The following RSRC1 variants were observed in gnomAD, a reference collection of about 807,000 sequenced individuals.
RSRC1 encodes arginine and serine rich coiled-coil 1.
RSRC1 carries 39 observed loss-of-function variants against 49.1 expected under a neutral mutation model. The observed-to-expected ratio is 0.79, with a 90% CI of 0.61 to 1.04. The LOEUF is 1.04. Ranked by LOEUF, RSRC1 falls within the 50% of genes least tolerant of loss-of-function variation. The pLI is 0.00. For missense variants in RSRC1, 388 were observed against 402.4 expected, an observed-to-expected ratio of 0.96 and a Z score of 0.31; for synonymous variants, 143 against 130.8, an observed-to-expected ratio of 1.09 and a Z score of -0.63.
chr3:158,225,116 A>AT (rs1553771089), intron 4 of RSRC1, among the ~76,000 whole-genome samples: 4 of 151,772 alleles, frequency 2.6e-5, no homozygotes, highest in Non-Finnish European at 5.9e-5. Context: ...TACAAAAAAT[A>AT]TTTTTTACAG....
chr3:158,338,465 G>T (rs191909811), intron 5 of RSRC1, among the ~76,000 whole-genome samples: 23 of 152,282 alleles, frequency 1.5e-4, no homozygotes, highest in African/African-American at 5.5e-4. Flanking sequence ...AATGTAGCTA[G>T]AAATATGATA....
chr3:158,393,796 CTT>C (rs1733459530), intron 6 of RSRC1, among the ~76,000 whole-genome samples: 1 of 152,032 alleles, frequency 6.6e-6, no homozygotes, highest in African/African-American at 2.4e-5. Flanking sequence ...TCCTCACTAA[CTT>C]TTTCTATGAG....
intron 6 of RSRC1, among the ~76,000 whole-genome samples, chr3:158,374,766 A>AATTTTGG (rs1732263841): frequency 6.6e-6 from 1 of 152,010 alleles, no homozygotes; most frequent in Admixed American, 6.6e-5. Context: ...TTGAATTTTG[A>AATTTTGG]ATTAAAATAA....
At chr3:158,483,789 A>T (rs1310852698) in intron 7 of RSRC1, among the ~76,000 whole-genome samples, 1 of 151,980 alleles carries the variant, frequency 6.6e-6, no homozygotes, top group Non-Finnish European at 1.5e-5. Context: ...TTGAATTTGC[A>T]TTTTTTTGTT....
At chr3:158,445,433 T>C (rs1736648906) in intron 6 of RSRC1, among the ~76,000 whole-genome samples, 1 of 151,816 alleles carries the variant, frequency 6.6e-6, no homozygotes, top group Admixed American at 6.6e-5. Context: ...ATGTTCTCAC[T>C]CATAGGTGGG....
chr3:158,412,305 A>G (rs908034421), intron 6 of RSRC1, among the ~76,000 whole-genome samples: 6 of 152,120 alleles, frequency 3.9e-5, no homozygotes, highest in African/African-American at 1.4e-4. Context: ...TTATGTGATA[A>G]TTCTTGGTAT....
chr3:158,113,435 C>A (rs1187355991), intron 1 of RSRC1, among the ~76,000 whole-genome samples: 1 of 148,550 alleles, frequency 6.7e-6, no homozygotes, highest in Non-Finnish European at 1.5e-5. Flanking sequence ...GTGGTGCGAT[C>A]TCGGCTTACT....
chr3:158,289,193 T>G (rs1253080210), intron 4 of RSRC1, among the ~76,000 whole-genome samples: 1 of 152,166 alleles, frequency 6.6e-6, no homozygotes, highest in Non-Finnish European at 1.5e-5. Flanking sequence ...AATTTTAGTT[T>G]TCCTCTGTTT....
At chr3:158,370,420 C>A (rs1732001818) in intron 6 of RSRC1, among the ~76,000 whole-genome samples, 1 of 151,956 alleles carries the variant, frequency 6.6e-6, no homozygotes, top group South Asian at 2.1e-4. Flanking sequence ...AATTCTCTCT[C>A]CCTATTCCTG....
chr3:158,220,435 C>G (rs142229762), intron 4 of RSRC1, among the ~76,000 whole-genome samples: 1 of 151,442 alleles, frequency 6.6e-6, no homozygotes. Context: ...GACGCCGTAC[C>G]GAAAGCCAAC....
chr3:158,147,296 A>T (rs1429135715), intron 3 of RSRC1, among the ~76,000 whole-genome samples: 1 of 151,740 alleles, frequency 6.6e-6, no homozygotes, highest in African/African-American at 2.4e-5. Context: ...GTTTGAATGC[A>T]GTGGTGCAGT....
intron 8 of RSRC1, 104 bp from the exon 9 acceptor site, chr3:158,543,231 C>A: frequency 9.7e-7 from 1 of 1,033,840 alleles, no homozygotes. Context: ...GGTATCATCT[C>A]AAAGGAGACT....
intron 4 of RSRC1, among the ~76,000 whole-genome samples, chr3:158,287,059 C>G (rs1726609529): frequency 1.3e-5 from 2 of 152,200 alleles, no homozygotes; most frequent in Admixed American, 1.3e-4. Flanking sequence ...ATCTCCTGAC[C>G]TCGTGATCCA....
chr3:158,526,470 A>G (rs1299649033), intron 7 of RSRC1, among the ~76,000 whole-genome samples: 1 of 151,994 alleles, frequency 6.6e-6, no homozygotes, highest in African/African-American at 2.4e-5. Context: ...TGCAAACACA[A>G]CAAATCCCTG....
chr3:158,200,774 A>G (rs1250354708), intron 3 of RSRC1, among the ~76,000 whole-genome samples: 1 of 152,098 alleles, frequency 6.6e-6, no homozygotes, highest in Non-Finnish European at 1.5e-5. Flanking sequence ...GTATAGGTTC[A>G]TTTACCTGCC....
At chr3:158,125,040 A>G (rs921162321) in intron 3 of RSRC1, among the ~76,000 whole-genome samples, 1 of 151,890 alleles carries the variant, frequency 6.6e-6, no homozygotes, top group East Asian at 1.9e-4. Flanking sequence ...GCTAGTCTCC[A>G]ACTCCTGGTG....
intron 3 of RSRC1, among the ~76,000 whole-genome samples, chr3:158,199,835 G>A (rs1720926179): frequency 6.6e-6 from 1 of 151,934 alleles, no homozygotes; most frequent in Admixed American, 6.6e-5. Context: ...ATGTCTTATT[G>A]TTAAATTCTA....
Position 158,537,167 on chromosome 3 carries a change from A to G in RSRC1, c.728A>G (p.Gln243Arg), listed in dbSNP as rs1177782540. 1.3e-6 allele frequency: 2 copies of G among 1,598,954 alleles called. No homozygotes were observed. The highest frequency in any genetic ancestry group is 3.5e-5 in the Admixed American group (2 of 57,310). Residue 243 changes from glutamine (Q) to arginine (R), a missense_variant, in exon 8 of 10, where the codon CAG (glutamine) becomes CGG (arginine). By Grantham distance (43) the Gln-to-Arg change is conservative. Transcript: ENST00000611884. ...ATTGAAAGTGATTCTTTTGTTCAGC[A>G]GACATTCAGATCAAGTAAAGAAGTC... Reference protein sequence around the residue: ...EAIESDSFVQQTFRSSKEVKK... With the variant: ...EAIESDSFVQRTFRSSKEVKK...
chr3:158,343,739 C>T (rs757510139), intron 5 of RSRC1, among the ~76,000 whole-genome samples: 9 of 151,754 alleles, frequency 5.9e-5, no homozygotes, highest in African/African-American at 1.2e-4. Flanking sequence ...TTAGTGAGCT[C>T]GAAGACATAG....
Sources: allele counts gnomAD v4.1 joint callset (sites outside exome capture counted in the v4.1 genomes callset), GRCh38; gene constraint gnomAD v4.1.1; transcripts MANE v1.5; gene names NCBI Gene and HGNC (gene_info 2026-07-23, HGNC 2026-07-21).